The following GALNTL6 variants were observed in gnomAD, a reference collection of about 807,000 sequenced individuals.
GALNTL6 encodes polypeptide N-acetylgalactosaminyltransferase like 6, also known as polypeptide N-acetylgalactosaminyltransferase-like 6.
Under a neutral mutation model 73.7 loss-of-function variants are expected in GALNTL6, and 46 were observed. The observed-to-expected ratio is 0.62, with a 90% CI of 0.49 to 0.80. The LOEUF (loss-of-function observed/expected upper bound fraction) is 0.80, where lower values mean the gene tolerates loss of function less well. Ranked by LOEUF, GALNTL6 falls within the 30% of genes least tolerant of loss-of-function variation. The pLI is 0.00. For synonymous variants in GALNTL6, 259 were observed against 263.7 expected, an observed-to-expected ratio of 0.98 and a Z score of 0.17; for missense variants, 604 against 755.0, an observed-to-expected ratio of 0.80 and a Z score of 2.34.
At chr4:172,887,624 T>C (rs992364900) in intron 8 of GALNTL6, among the ~76,000 whole-genome samples, 1 of 151,946 alleles carries the variant, frequency 6.6e-6, no homozygotes, top group Non-Finnish European at 1.5e-5. Context: ...AGTGCTGTGG[T>C]GCAATCTCAG....
At chr4:172,343,457 C>T (rs1329652232) in intron 4 of GALNTL6, among the ~76,000 whole-genome samples, 1 of 152,102 alleles carries the variant, frequency 6.6e-6, no homozygotes, top group Non-Finnish European at 1.5e-5. Context: ...AAATAAGTCA[C>T]TGATAAGTCT....
chr4:172,211,099 G>T lies in GALNTL6; in HGVS notation c.139-18557G>T, dbSNP rs1389685458. On this transcript the variant is annotated intron_variant, in intron 2 of 12. Transcript: ENST00000506823. ...TTTTCATTTGTTTATTTAATTGTTGGTGGTCTTATTTATTCGTTTCTTGAG... is the reference window on the plus strand; with the variant it reads ...TTTTCATTTGTTTATTTAATTGTTGTTGGTCTTATTTATTCGTTTCTTGAG... Among the ~76,000 whole-genome samples the T allele has an allele frequency of 6.6e-5, 10 of 151,998 alleles. 1 individual carries two copies. The South Asian group carries it at 1.7e-3, about 25-fold the overall frequency.
chr4:172,835,883 A>G (rs966450014), intron 7 of GALNTL6, among the ~76,000 whole-genome samples: 2 of 152,206 alleles, frequency 1.3e-5, no homozygotes, highest in African/African-American at 4.8e-5. Context: ...CAGGACTTCC[A>G]AAGAAATTCC....
intron 3 of GALNTL6, among the ~76,000 whole-genome samples, chr4:172,286,405 T>G: frequency 6.6e-6 from 1 of 151,988 alleles, no homozygotes; most frequent in South Asian, 2.1e-4. Context: ...ATTTTAGGAG[T>G]CATGCAGATA....
intron 5 of GALNTL6, among the ~76,000 whole-genome samples, chr4:172,768,621 A>G (rs540466879): frequency 3.0e-4 from 45 of 152,276 alleles, no homozygotes; most frequent in African/African-American, 1.1e-3. Context: ...TTCCTGGAAA[A>G]GGGTGATTTC....
intron 10 of GALNTL6, among the ~76,000 whole-genome samples, chr4:172,985,612 G>GT (rs947531731): frequency 1.5e-4 from 23 of 151,556 alleles, no homozygotes; most frequent in Admixed American, 5.9e-4. Flanking sequence ...CGAAGACTAG[G>GT]TTTTTTTTTA....
At chr4:172,793,999 T>A (rs1740134131) in intron 5 of GALNTL6, among the ~76,000 whole-genome samples, 1 of 152,194 alleles carries the variant, frequency 6.6e-6, no homozygotes, top group South Asian at 2.1e-4. Context: ...AAATAATGAC[T>A]TCTATTCCTT....
intron 2 of GALNTL6, among the ~76,000 whole-genome samples, chr4:172,031,861 T>C (rs1417585054): frequency 6.6e-6 from 1 of 152,084 alleles, no homozygotes; most frequent in Non-Finnish European, 1.5e-5. Flanking sequence ...TTATATTAGA[T>C]ATAATAACTT....
At chr4:172,521,376 C>T (rs1002625775) in intron 5 of GALNTL6, among the ~76,000 whole-genome samples, 2 of 152,126 alleles carry the variant, frequency 1.3e-5, no homozygotes, top group Non-Finnish European at 2.9e-5. Flanking sequence ...TAGCACATTG[C>T]AGACATCTGT....
chr4:172,920,184 C>T (rs1747724788), intron 8 of GALNTL6, among the ~76,000 whole-genome samples: 1 of 152,188 alleles, frequency 6.6e-6, no homozygotes, highest in South Asian at 2.1e-4. Flanking sequence ...ACTATAAACA[C>T]ATTTCTAACT....
chr4:172,521,498 G>A (rs1006010459), intron 5 of GALNTL6, among the ~76,000 whole-genome samples: 13 of 152,184 alleles, frequency 8.5e-5, no homozygotes, highest in African/African-American at 2.9e-4. Context: ...TGCCAATTAC[G>A]AAGCATGAGT....
intron 2 of GALNTL6, among the ~76,000 whole-genome samples, chr4:172,121,975 C>T (rs1197302043): frequency 8.0e-5 from 12 of 150,774 alleles, no homozygotes; most frequent in African/African-American, 2.0e-4. Context: ...TTTTTAACCA[C>T]GTGGCCTATT....
At chr4:172,699,637 C>T (rs1733908642) in intron 5 of GALNTL6, among the ~76,000 whole-genome samples, 1 of 152,144 alleles carries the variant, frequency 6.6e-6, no homozygotes, top group Admixed American at 6.6e-5. Flanking sequence ...CAAATCCTCA[C>T]TAAGTCCAGG....
intron 5 of GALNTL6, among the ~76,000 whole-genome samples, chr4:172,448,212 G>A (rs749573268): frequency 6.6e-6 from 1 of 152,166 alleles, no homozygotes. Flanking sequence ...TGTTGGTTCT[G>A]TGAGATGCTG....
chr4:172,717,597 A>G (rs1205901899), intron 5 of GALNTL6, among the ~76,000 whole-genome samples: 2 of 152,228 alleles, frequency 1.3e-5, no homozygotes, highest in East Asian at 3.8e-4. Flanking sequence ...ATGAAATACA[A>G]TATACCAACT....
chr4:172,321,687 C>A (rs983644078), intron 4 of GALNTL6, among the ~76,000 whole-genome samples: 3 of 152,208 alleles, frequency 2.0e-5, no homozygotes, highest in African/African-American at 7.2e-5. Flanking sequence ...ATAAAAAGTT[C>A]TTTTGAGTGG....
chr4:172,458,714 A>G (rs1406367897), intron 5 of GALNTL6, among the ~76,000 whole-genome samples: 3 of 152,210 alleles, frequency 2.0e-5, no homozygotes, highest in Admixed American at 6.5e-5. Flanking sequence ...AAATTGAGGC[A>G]GTAATTAATA....
At chr4:171,853,650 G>A (rs1396366536) in intron 2 of GALNTL6, among the ~76,000 whole-genome samples, 8 of 103,858 alleles carry the variant, frequency 7.7e-5, no homozygotes, top group South Asian at 3.4e-4. Flanking sequence ...TTGCTCTGTC[G>A]CCCAGGTTGG....
chr4:172,813,173 C>T (rs1227799569), intron 6 of GALNTL6, among the ~76,000 whole-genome samples: 2 of 152,162 alleles, frequency 1.3e-5, no homozygotes, highest in Non-Finnish European at 2.9e-5. Flanking sequence ...CAGCAGGCTC[C>T]AGCAGTATGC....
Sources: allele counts gnomAD v4.1 joint callset (sites outside exome capture counted in the v4.1 genomes callset), GRCh38; gene constraint gnomAD v4.1.1; transcripts MANE v1.5; gene names NCBI Gene and HGNC (gene_info 2026-07-23, HGNC 2026-07-21).